PRDM16: variants seen among roughly 807,000 people sequenced by gnomAD.
PRDM16 encodes the protein histone-lysine N-methyltransferase PRDM16.
A neutral mutation model predicts 110.6 loss-of-function variants in PRDM16; 23 were observed. The observed-to-expected ratio is 0.21, with a 90% CI of 0.15 to 0.29. PRDM16 has a LOEUF of 0.29. Ranked by LOEUF, PRDM16 falls within the 10% of genes least tolerant of loss-of-function variation. The probability of loss-of-function intolerance (pLI) is 1.00; values close to 1 mark genes in which losing one functional copy is unlikely to be tolerated. For missense variants in PRDM16, 1,615 were observed against 1,794.3 expected, an observed-to-expected ratio of 0.90 and a Z score of 1.81; for synonymous variants, 799 against 781.8, an observed-to-expected ratio of 1.02 and a Z score of -0.37.
chr1:3,201,627 G>A lies in PRDM16; in HGVS notation c.387+15153G>A, dbSNP rs543808647. Among the ~76,000 whole-genome samples, 17 of 152,352 alleles carry A rather than the reference G, an allele frequency of 1.1e-4. No individual in the cohort carries two copies. The highest frequency in any genetic ancestry group is 2.1e-4 in the Non-Finnish European group (14 of 68,032). On this transcript the variant is annotated intron_variant, in intron 2 of 16. Transcript: ENST00000270722. This position sits in a 1 kb window ranked among gnomAD's most constrained non-coding sequence, Gnocchi z 4.1. ...CATGGCCTCGGGGGCTGGGAGCCCCGGCTCTGACGTTTCTCCAGTGACCCC... is the reference window on the plus strand; with the variant it reads ...CATGGCCTCGGGGGCTGGGAGCCCCAGCTCTGACGTTTCTCCAGTGACCCC...
intron 1 of PRDM16, among the ~76,000 whole-genome samples, chr1:3,181,656 GGTCTTACACA>G (rs1416910898): frequency 6.8e-5 from 8 of 117,458 alleles, no homozygotes; most frequent in South Asian, 6.4e-4. Context: ...TCTTACACAC[GGTCTTACACA>G]GTCTTACACG....
intron 1 of PRDM16, among the ~76,000 whole-genome samples, chr1:3,073,181 G>T (rs531430130): frequency 8.1e-4 from 124 of 152,298 alleles, no homozygotes; most frequent in Non-Finnish European, 1.6e-3. Context: ...CATTTCTGCC[G>T]GGAGGCTGGG....
intron 3 of PRDM16, among the ~76,000 whole-genome samples, chr1:3,254,853 A>G (rs1569934720): frequency 2.0e-5 from 3 of 152,320 alleles, no homozygotes; most frequent in African/African-American, 4.8e-5. Context: ...CTCCAAGTCA[A>G]TCCTAAGCCA....
chr1:3,418,586 T>C, intron 11 of PRDM16, 81 bp from the exon 12 acceptor site: 2 of 962,326 alleles, frequency 2.1e-6, no homozygotes, highest in Non-Finnish European at 3.3e-6. Flanking sequence ...CCCCGAGCAT[T>C]AGCTTGAAAC....
At chr1:3,314,071 C>CCGCGG (rs1553161914) in intron 3 of PRDM16, among the ~76,000 whole-genome samples, 1 of 100,656 alleles carries the variant, frequency 9.9e-6, no homozygotes, top group Admixed American at 8.8e-5. Context: ...CCTTCCCCAC[C>CCGCGG]GGGGGGGGGG....
At chr1:3,122,926 A>G (rs1643125363) in intron 1 of PRDM16, among the ~76,000 whole-genome samples, 1 of 152,176 alleles carries the variant, frequency 6.6e-6, no homozygotes, top group Admixed American at 6.5e-5. Flanking sequence ...CAAGAGGCGG[A>G]GCGCTTGCAC....
chr1:3,423,817 G>A (rs374549535), intron 12 of PRDM16, among the ~76,000 whole-genome samples: 9 of 152,372 alleles, frequency 5.9e-5, no homozygotes, highest in East Asian at 5.8e-4. Flanking sequence ...TGCTGCAGTG[G>A]GTAGACTTTC....
At chr1:3,342,041 C>T (rs1175423664) in intron 3 of PRDM16, among the ~76,000 whole-genome samples, 1 of 152,220 alleles carries the variant, frequency 6.6e-6, no homozygotes, top group Non-Finnish European at 1.5e-5. Flanking sequence ...TTGCAGGTTG[C>T]TGGTGATCTT....
At chr1:3,379,168 C>A (rs1307650208) in intron 3 of PRDM16, among the ~76,000 whole-genome samples, 1 of 114,372 alleles carries the variant, frequency 8.7e-6, no homozygotes, top group African/African-American at 3.3e-5. Flanking sequence ...CAGCACACCC[C>A]TCCCAAAACA....
intron 1 of PRDM16, among the ~76,000 whole-genome samples, chr1:3,156,613 CT>C (rs1248494955): frequency 6.6e-6 from 1 of 152,134 alleles, no homozygotes; most frequent in Non-Finnish European, 1.5e-5. Context: ...TGATTTTTAA[CT>C]GACAGGAACT....
chr1:3,072,824 G>A (rs983961698), intron 1 of PRDM16, among the ~76,000 whole-genome samples: 15 of 152,268 alleles, frequency 9.9e-5, no homozygotes, highest in Non-Finnish European at 1.9e-4. Flanking sequence ...GGTGGAGTGC[G>A]GGGCTGGCCG....
At chr1:3,414,161 G>A (rs528324398) in intron 9 of PRDM16, among the ~76,000 whole-genome samples, 4 of 152,320 alleles carry the variant, frequency 2.6e-5, no homozygotes, top group East Asian at 1.9e-4. Flanking sequence ...AGGGCTGACC[G>A]GCCAGTTAGG....
At chr1:3,101,231 G>A (rs900651810) in intron 1 of PRDM16, among the ~76,000 whole-genome samples, 6 of 152,236 alleles carry the variant, frequency 3.9e-5, no homozygotes, top group African/African-American at 7.2e-5. Context: ...CACTCTTCCC[G>A]AGAGATAGTG....
At position 3,225,277 on chromosome 1, in the gene PRDM16, C is replaced by T. The variant is rs941273100; in HGVS notation, c.388-18810C>T. ...GATCTCATTTCCTTTAAAATACCCG[C>T]GGGCTCAAACACTAGCGGGAAAAGT... On this transcript the variant is annotated intron_variant, in intron 2 of 16. Transcript: ENST00000270722. 2.0e-5 allele frequency among the ~76,000 whole-genome samples: 3 copies of T among 152,268 alleles called. No homozygotes were observed. The South Asian group carries it at 6.2e-4, about 32-fold the overall frequency.
intron 12 of PRDM16, among the ~76,000 whole-genome samples, chr1:3,423,141 A>T (rs1292768446): frequency 6.6e-6 from 1 of 152,134 alleles, no homozygotes; most frequent in Non-Finnish European, 1.5e-5. Flanking sequence ...ACGAAGTGGG[A>T]TGGGGATATG....
At chr1:3,261,302 T>C (rs545327842) in intron 3 of PRDM16, among the ~76,000 whole-genome samples, 3 of 152,138 alleles carry the variant, frequency 2.0e-5, no homozygotes, top group Non-Finnish European at 4.4e-5. Context: ...TTTTTTCCTT[T>C]GAAAAATGAG....
chr1:3,398,493 T>C (rs551389785), intron 5 of PRDM16, among the ~76,000 whole-genome samples: 2 of 152,328 alleles, frequency 1.3e-5, no homozygotes, highest in African/African-American at 4.8e-5. Context: ...TAAAAAATCT[T>C]TTATCCCAAC....
At chr1:3,270,776 G>A (rs1640432739) in intron 3 of PRDM16, among the ~76,000 whole-genome samples, 1 of 151,200 alleles carries the variant, frequency 6.6e-6, no homozygotes, top group South Asian at 2.1e-4. Flanking sequence ...CCTGGAGGAG[G>A]ACAGTCCCAG....
intron 3 of PRDM16, among the ~76,000 whole-genome samples, chr1:3,327,009 G>A (rs963308947): frequency 2.6e-5 from 4 of 152,232 alleles, no homozygotes; most frequent in African/African-American, 7.2e-5. Flanking sequence ...GGCCTGGAGC[G>A]GGGCTGGGTG....
Sources: gnomAD v4.1 joint callset for allele counts (sites outside exome capture counted in the v4.1 genomes callset) on GRCh38, gnomAD v4.1.1 for gene constraint, Gnocchi (gnomAD v3.1) non-coding constraint, MANE v1.5 for transcripts, NCBI Gene and HGNC (gene_info 2026-07-23, HGNC 2026-07-21) for gene names.